The following DNAH10 variants were observed in gnomAD, a reference collection of about 807,000 sequenced individuals.
The protein encoded by DNAH10 is dynein axonemal heavy chain 10, also known as axonemal beta dynein heavy chain 10.
In DNAH10, 348 loss-of-function variants were observed where a neutral mutation model predicts 506.6. The ratio of observed to expected loss-of-function variants is 0.69; its 90% CI spans 0.63 to 0.75. DNAH10 has a LOEUF of 0.75. DNAH10 is among the 30% of genes least tolerant of loss of function. The probability of loss-of-function intolerance (pLI) is 0.00; values close to 1 mark genes in which losing one functional copy is unlikely to be tolerated. For synonymous variants in DNAH10, 2,059 were observed against 2,198.6 expected (o/e 0.94, Z 1.78); for missense variants, 5,179 against 5,787.1 (o/e 0.89, Z 3.41).
chr12:123,829,658 G>A (rs1960330803), intron 25 of DNAH10, among the ~76,000 whole-genome samples: 1 of 152,146 alleles, frequency 6.6e-6, no homozygotes, highest in African/African-American at 2.4e-5. Flanking sequence ...AGGCCAGGGG[G>A]TTCAGAGACC....
chr12:123,768,769 G>A (rs1231811206), intron 2 of DNAH10, among the ~76,000 whole-genome samples: 1 of 152,152 alleles, frequency 6.6e-6, no homozygotes, highest in Non-Finnish European at 1.5e-5. Context: ...TTTGAGACAG[G>A]ACCTCACTCT....
chr12:123,923,673 A>C, intron 65 of DNAH10, 90 bp from the exon 66 acceptor site: 1 of 802,116 alleles, frequency 1.2e-6, no homozygotes. Flanking sequence ...TGTTTCATTT[A>C]TCTTACGTTT....
rs1951104438 is a variant in DNAH10, at chr12:123,850,215, A to G, written c.6103-673A>G. 1.3e-5 allele frequency among the ~76,000 whole-genome samples: 2 copies of G among 152,014 alleles called. No homozygotes were observed. Among genetic ancestry groups the G allele is most frequent in the South Asian group, 4.2e-4 (2 of 4,792 alleles). On this transcript the variant is annotated intron_variant, in intron 34 of 78. Coordinates refer to ENST00000673944, the MANE Select transcript of DNAH10 (RefSeq NM_001372106.1). The surrounding 1 kb of genome is among the most constrained non-coding windows in gnomAD (Gnocchi z 5.5). ...TTTCTGTCCTCTGCCTGGCTGGTGG[A>G]CAATCAAAAAAAATAAAATAGAAAA... is the stretch of plus-strand genomic sequence containing the variant.
At chr12:123,934,791 T>C (rs1179563393) in intron 78 of DNAH10, 25 bp downstream of exon 78, 1 of 1,612,440 alleles carries the variant, frequency 6.2e-7, no homozygotes, top group Admixed American at 1.7e-5. Context: ...CCCTCCTCTC[T>C]GACACCAGGG....
rs199757354 is a variant in DNAH10, at chr12:123,877,905, A to G, written c.8369A>G (p.Glu2790Gly). The G allele has an allele frequency of 2.8e-4, 451 of 1,612,940 alleles. No homozygotes were observed. The highest frequency in any genetic ancestry group is 3.6e-4 in the Non-Finnish European group (422 of 1,179,588). Residue 2790 changes from glutamate (E) to glycine (G), a missense_variant, in exon 48 of 79, where the codon GAG becomes GGG. Glu to Gly is a moderately conservative substitution (Grantham distance 98). This residue lies in a region of DNAH10 where 4,844 missense variants were observed against 5,430.5 expected (regional missense o/e 0.89). Coordinates refer to ENST00000673944, the MANE Select transcript of DNAH10 (RefSeq NM_001372106.1). ...VFNGLVLTNP[E>G]RFQTVAQMVR... ...AATGGTCTTGTCCTCACTAACCCGG[A>G]GCGGTGAGTTTGATTTATCTTACTA...
At chr12:123,812,074 A>C (rs1958957295) in intron 19 of DNAH10, among the ~76,000 whole-genome samples, 1 of 152,200 alleles carries the variant, frequency 6.6e-6, no homozygotes, top group African/African-American at 2.4e-5. Flanking sequence ...GTTGTTATTC[A>C]CATTTTACAG....
At chr12:123,844,234 G>A (rs1392539377) in intron 30 of DNAH10, among the ~76,000 whole-genome samples, 5 of 152,098 alleles carry the variant, frequency 3.3e-5, no homozygotes, top group South Asian at 2.1e-4. Flanking sequence ...TGGGGAAACC[G>A]CCCCCATGAT....
Position 123,808,957 on chromosome 12 carries a change from A to G in DNAH10, c.3144+4A>G. 1 of 1,613,966 alleles carries G rather than the reference A, an allele frequency of 6.2e-7. No homozygotes were observed. Among genetic ancestry groups the G allele is most frequent in the East Asian group, 2.2e-5 (1 of 44,876 alleles). On this transcript the variant is annotated splice_donor_region_variant and intron_variant, in intron 19 of 78. Transcript: ENST00000673944. Reference sequence around the variant, plus strand: ...GAATTGCGTGGAGATCACCAAGGTGAGAGCGGAGGTGCTTGTGTCCTTGCT... The same window carrying G: ...GAATTGCGTGGAGATCACCAAGGTGGGAGCGGAGGTGCTTGTGTCCTTGCT...
rs746026856 is a variant in DNAH10 at position 123,857,232 on chromosome 12, G to A, written c.6615G>A (p.Ala2205=). 8.3e-6 allele frequency: 13 copies of A among 1,566,174 alleles called. No individual in the cohort carries two copies. Among genetic ancestry groups the A allele is most frequent in the Admixed American group, 5.5e-5 (3 of 54,878 alleles). ...AGGTCCTGGAGGAGAACGGCTACGCGGTCCTACCCATCCAGGTAAAGCCAG... is the reference window on the plus strand; with the variant it reads ...AGGTCCTGGAGGAGAACGGCTACGCAGTCCTACCCATCCAGGTAAAGCCAG... The part of the protein sequence containing the change: ...VEQVLEENGY[A]VLPIQVDKVV... Residue 2205 remains alanine (A), a synonymous_variant, in exon 37 of 79, where the codon GCG becomes GCA. Transcript: ENST00000673944.
chr12:123,840,255 A>G (rs900893915), intron 29 of DNAH10, among the ~76,000 whole-genome samples: 1 of 152,148 alleles, frequency 6.6e-6, no homozygotes, highest in African/African-American at 2.4e-5. Context: ...CCAAATTAAC[A>G]GAGCACTTAG....
intron 44 of DNAH10, 115 bp from the exon 45 acceptor site, chr12:123,871,342 G>T (rs1952025188): frequency 3.3e-6 from 4 of 1,226,564 alleles, no homozygotes; most frequent in Non-Finnish European, 4.5e-6. Context: ...TCATGTCTTG[G>T]CCTTTGCTCC....
At chr12:123,820,268 A>G (rs1044034929) in intron 23 of DNAH10, among the ~76,000 whole-genome samples, 8 of 152,160 alleles carry the variant, frequency 5.3e-5, no homozygotes, top group Admixed American at 4.6e-4. Context: ...CAGTAGGATG[A>G]TGATGTTCTC....
At chr12:123,869,770 G>T (rs767738984) in intron 43 of DNAH10, among the ~76,000 whole-genome samples, 1 of 152,084 alleles carries the variant, frequency 6.6e-6, no homozygotes, top group East Asian at 1.9e-4. Flanking sequence ...TTCAGTCTCC[G>T]CCTCTCTACC....
At chr12:123,769,549 G>T (rs1281196692) in intron 2 of DNAH10, among the ~76,000 whole-genome samples, 3 of 152,200 alleles carry the variant, frequency 2.0e-5, no homozygotes, top group Non-Finnish European at 4.4e-5. Flanking sequence ...TCCTAGGAAG[G>T]CACTCTCGGC....
chr12:123,913,318 T>G lies in DNAH10; in HGVS notation c.10352+3T>G, dbSNP rs1225212424. 1 of 1,585,086 alleles carries G rather than the reference T, an allele frequency of 6.3e-7. No homozygotes were observed. The highest frequency in any genetic ancestry group is 1.3e-5 in the African/African-American group (1 of 74,178). ...GGTCTGGGGTCAGAAAACATCAGGTTAGCGCTGCTCACGAGCCCACCTGTT... is the reference window on the plus strand; with the variant it reads ...GGTCTGGGGTCAGAAAACATCAGGTGAGCGCTGCTCACGAGCCCACCTGTT... On this transcript the variant is annotated splice_donor_region_variant and intron_variant, in intron 60 of 78. Coordinates refer to ENST00000673944, the MANE Select transcript of DNAH10 (RefSeq NM_001372106.1). The surrounding 1 kb of genome is among the most constrained non-coding windows in gnomAD (Gnocchi z 5.1).
intron 16 of DNAH10, among the ~76,000 whole-genome samples, chr12:123,803,191 T>C (rs1039842879): frequency 6.6e-6 from 1 of 152,216 alleles, no homozygotes; most frequent in African/African-American, 2.4e-5. Context: ...TGTTATAGTA[T>C]GATGTTTCCC....
rs933012184 is a variant in DNAH10, at chr12:123,907,530, G to A, written c.9816-1731G>A. Among the ~76,000 whole-genome samples, 1 of 152,170 alleles carries A rather than the reference G, an allele frequency of 6.6e-6. No individual in the cohort carries two copies. Among genetic ancestry groups the A allele is most frequent in the African/African-American group, 2.4e-5 (1 of 41,432 alleles). Reference sequence around the variant, plus strand: ...CTGGATAAGTGAGATCCCAGAGCGTGGCCTGCAACCCAACAGCAGAAAACG... The same window carrying A: ...CTGGATAAGTGAGATCCCAGAGCGTAGCCTGCAACCCAACAGCAGAAAACG... On this transcript the variant is annotated intron_variant, in intron 57 of 78. Transcript: ENST00000673944. The surrounding 1 kb of genome is among the most constrained non-coding windows in gnomAD (Gnocchi z 4.4).
rs189663657 is a variant in DNAH10 at position 123,864,771 on chromosome 12, T to C, written c.7044+41T>C. ...AAGTAAATTTGAACATAAATCTTTCTTGTAATTAAAAATGCAAATGTTTGT... is the reference window on the plus strand; with the variant it reads ...AAGTAAATTTGAACATAAATCTTTCCTGTAATTAAAAATGCAAATGTTTGT... On this transcript the variant is annotated intron_variant, in intron 40 of 78. Coordinates refer to ENST00000673944, the MANE Select transcript of DNAH10 (RefSeq NM_001372106.1). 35 of 1,568,792 alleles carry C rather than the reference T, an allele frequency of 2.2e-5. No homozygotes were observed. In the African/African-American group the frequency reaches 4.0e-4, roughly 18 times the overall value.
At chr12:123,915,702 T>C (rs1954447029) in intron 62 of DNAH10, among the ~76,000 whole-genome samples, 1 of 152,186 alleles carries the variant, frequency 6.6e-6, no homozygotes, top group South Asian at 2.1e-4. Flanking sequence ...CATCAGGGCG[T>C]CATTCCTTCC....
Sources: gnomAD v4.1 joint callset for allele counts (sites outside exome capture counted in the v4.1 genomes callset) on GRCh38, gnomAD v4.1.1 for gene constraint, gnomAD v4.1.1 regional missense constraint, Gnocchi (gnomAD v3.1) non-coding constraint, MANE v1.5 for transcripts, NCBI Gene and HGNC (gene_info 2026-07-23, HGNC 2026-07-21) for gene names.